Variants in CD5 observed in about 807,000 individuals in gnomAD.
The protein encoded by CD5 is T-cell surface glycoprotein CD5.
A neutral mutation model predicts 60.3 loss-of-function variants in CD5; 36 were observed. The ratio of observed to expected loss-of-function variants is 0.60; its 90% CI spans 0.46 to 0.79. The LOEUF is 0.79. Ranked by LOEUF, CD5 falls within the 30% of genes least tolerant of loss-of-function variation. The probability of loss-of-function intolerance (pLI) is 0.00; values close to 1 mark genes in which losing one functional copy is unlikely to be tolerated. For synonymous variants in CD5, 230 were observed against 257.6 expected, an observed-to-expected ratio of 0.89 and a Z score of 1.03; for missense variants, 540 against 630.6, an observed-to-expected ratio of 0.86 and a Z score of 1.54.
intron 8 of CD5, 46 bp downstream of exon 8, chr11:61,123,983 G>A (rs1339320571): frequency 6.8e-7 from 1 of 1,474,648 alleles, no homozygotes; most frequent in Non-Finnish European, 9.5e-7. Context: ...CCTGGACAGA[G>A]GCCATGGAGG....
chr11:61,096,466 A>G, the CD5 span, among the ~76,000 whole-genome samples: 3 of 152,186 alleles, frequency 2.0e-5, no homozygotes, highest in Admixed American at 6.5e-5. Context: ...CCCTCATCCA[A>G]GAAAACCATT....
At chr11:61,104,107 G>A (rs897599770) in intron 1 of CD5, among the ~76,000 whole-genome samples, 4 of 147,046 alleles carry the variant, frequency 2.7e-5, no homozygotes, top group African/African-American at 1.0e-4. Context: ...TGTGAGTACT[G>A]TGTGGGGGGA....
chr11:61,116,554 ACACACAC>A (rs1187528226), intron 2 of CD5, among the ~76,000 whole-genome samples: 2 of 67,032 alleles, frequency 3.0e-5, no homozygotes, highest in African/African-American at 1.2e-4. Flanking sequence ...CACACACACC[ACACACAC>A]CACACACACA....
At chr11:61,107,709 G>A (rs1379936904) in intron 1 of CD5, among the ~76,000 whole-genome samples, 1 of 152,112 alleles carries the variant, frequency 6.6e-6, no homozygotes, top group Non-Finnish European at 1.5e-5. Flanking sequence ...CACTATCACC[G>A]TGACCAGCAT....
chr11:61,103,517 T>G (rs1200619818), intron 1 of CD5, among the ~76,000 whole-genome samples: 1 of 152,096 alleles, frequency 6.6e-6, no homozygotes, highest in Non-Finnish European at 1.5e-5. Flanking sequence ...AAACCGGGTG[T>G]GCAGGTGTGA....
At chr11:61,110,734 CA>C (rs915751882) in intron 1 of CD5, among the ~76,000 whole-genome samples, 1 of 152,234 alleles carries the variant, frequency 6.6e-6, no homozygotes, top group African/African-American at 2.4e-5. Context: ...TAACCCCTCT[CA>C]AGTTTCCTGG....
rs1301963291 is a variant in CD5 at position 61,125,225 on chromosome 11, C to T, written c.1399+74C>T. 7 of 1,560,632 alleles carry T rather than the reference C, an allele frequency of 4.5e-6. No homozygotes were observed. In the East Asian group the frequency reaches 1.6e-4, roughly 35 times the overall value. On this transcript the variant is annotated intron_variant, in intron 9 of 10. Coordinates refer to ENST00000347785, the MANE Select transcript of CD5 (RefSeq NM_014207.4). ...CCGCCAAGGCAGGTCACGTGATGCCCTTGAAGGTCGGGTGATGGCCCAAAG... is the reference window on the plus strand; with the variant it reads ...CCGCCAAGGCAGGTCACGTGATGCCTTTGAAGGTCGGGTGATGGCCCAAAG...
At chr11:61,103,369 T>C (rs1290903657) in intron 1 of CD5, among the ~76,000 whole-genome samples, 1 of 152,118 alleles carries the variant, frequency 6.6e-6, no homozygotes, top group Non-Finnish European at 1.5e-5. Flanking sequence ...TTCCTGAGGA[T>C]TTAGAAGGTC....
chr11:61,122,054 G>T, intron 6 of CD5, 150 bp downstream of exon 6: 2 of 611,832 alleles, frequency 3.3e-6, no homozygotes, highest in Non-Finnish European at 5.1e-6. Context: ...AAATTGGAAG[G>T]CTAGGGAGCA....
At chr11:61,097,750 CT>C (rs1860603726), upstream of CD5, among the ~76,000 whole-genome samples, 1 of 152,182 alleles carries the variant, frequency 6.6e-6, no homozygotes, top group Admixed American at 6.5e-5. Context: ...TGGCCGCCCC[CT>C]GAGAGAATCA....
chr11:61,101,767 G>A (rs1860694115), upstream of CD5, among the ~76,000 whole-genome samples: 1 of 145,550 alleles, frequency 6.9e-6, no homozygotes, highest in Admixed American at 6.8e-5. Context: ...ACATCAACAT[G>A]GAGTTCACAC....
intron 1 of CD5, among the ~76,000 whole-genome samples, chr11:61,111,796 C>A (rs183029586): frequency 7.2e-5 from 11 of 152,348 alleles, no homozygotes; most frequent in African/African-American, 2.6e-4. Flanking sequence ...CTGGGCACAG[C>A]TTCCCCCAGC....
rs770303146 is a variant in CD5, at chr11:61,117,633, C to T, written c.95-542C>T. On this transcript the variant is annotated intron_variant, in intron 2 of 10. Transcript: ENST00000347785. ...CCTCCCGAGTAGCTAGGATTACAGG[C>T]GCCTGCCACCACACCCAGCTAATTT... Among the ~76,000 whole-genome samples the T allele has an allele frequency of 1.9e-4, 29 of 152,126 alleles. No homozygotes were observed. In the East Asian group the frequency reaches 2.3e-3, roughly 12 times the overall value.
intron 1 of CD5, among the ~76,000 whole-genome samples, chr11:61,103,717 T>G (rs1183195372): frequency 2.9e-4 from 33 of 115,484 alleles, no homozygotes; most frequent in South Asian, 1.5e-3. Context: ...GTACTGTGTG[T>G]AGGGGAATGT....
chr11:61,122,348 A>G (rs1337046226), intron 6 of CD5, among the ~76,000 whole-genome samples: 2 of 141,522 alleles, frequency 1.4e-5, no homozygotes, highest in African/African-American at 2.8e-5. Context: ...GGATGGATGG[A>G]TGGATCGGTG....
At chr11:61,099,553 TCA>T (rs1238956430), upstream of CD5, among the ~76,000 whole-genome samples, 25 of 130,638 alleles carry the variant, frequency 1.9e-4, no homozygotes, top group South Asian at 1.4e-3. Context: ...AACATGGAGA[TCA>T]CACACACACA....
At position 61,118,891 on chromosome 11, in the gene CD5, C is replaced by T; in HGVS notation, c.401-24C>T. ...GCCCTCCCCACACCACCCATTCCTC[C>T]CTCACCAGAGTGTCTCATTGCAGAA... On this transcript the variant is annotated intron_variant, in intron 3 of 10. Coordinates refer to ENST00000347785, the MANE Select transcript of CD5 (RefSeq NM_014207.4). This position sits in a 1 kb window ranked among gnomAD's most constrained non-coding sequence, Gnocchi z 4.7. 1 of 1,604,084 alleles carries T rather than the reference C, an allele frequency of 6.2e-7. No homozygotes were observed. The highest frequency in any genetic ancestry group is 8.5e-7 in the Non-Finnish European group (1 of 1,171,336).
chr11:61,094,419 G>T, the CD5 span, among the ~76,000 whole-genome samples: 1 of 152,096 alleles, frequency 6.6e-6, no homozygotes, highest in African/African-American at 2.4e-5. Context: ...TTTTGGTTTT[G>T]ACTTGGTTTG....
chr11:61,112,216 G>T (rs1860866148), intron 1 of CD5, among the ~76,000 whole-genome samples: 1 of 152,212 alleles, frequency 6.6e-6, no homozygotes, highest in Non-Finnish European at 1.5e-5. Flanking sequence ...TGGGCAGCTG[G>T]GATGAGAGGG....
Sources: gnomAD v4.1 joint callset for allele counts (sites outside exome capture counted in the v4.1 genomes callset) on GRCh38, gnomAD v4.1.1 for gene constraint, Gnocchi (gnomAD v3.1) non-coding constraint, MANE v1.5 for transcripts, NCBI Gene and HGNC (gene_info 2026-07-23, HGNC 2026-07-21) for gene names.